RYR3: variants seen among roughly 807,000 people sequenced by gnomAD.
RYR3 encodes the protein ryanodine receptor 3, also known as brain ryanodine receptor-calcium release channel.
Under a neutral mutation model 584.3 loss-of-function variants are expected in RYR3, and 207 were observed. The observed-to-expected ratio is 0.35, with a 90% CI of 0.32 to 0.40. RYR3 has a LOEUF of 0.40. RYR3 is among the 10% of genes least tolerant of loss of function. RYR3 has a pLI of 1.00. For synonymous variants in RYR3, 2,416 were observed against 2,248.5 expected (o/e 1.07, Z -2.11); for missense variants, 5,616 against 6,089.2 (o/e 0.92, Z 2.59).
chr15:33,612,397 G>A (rs554586612), intron 18 of RYR3, among the ~76,000 whole-genome samples: 1 of 152,218 alleles, frequency 6.6e-6, no homozygotes, highest in Non-Finnish European at 1.5e-5. Context: ...TTTCACTCTT[G>A]TTGCCCAGGC....
chr15:33,405,791 C>T (rs1432164592), intron 1 of RYR3, among the ~76,000 whole-genome samples: 2 of 152,184 alleles, frequency 1.3e-5, no homozygotes, highest in Admixed American at 6.5e-5. Flanking sequence ...GTTAATCTAA[C>T]GATTTAGACA....
chr15:33,578,938 G>C (rs1192977612), intron 12 of RYR3, among the ~76,000 whole-genome samples: 1 of 152,172 alleles, frequency 6.6e-6, no homozygotes, highest in African/African-American at 2.4e-5. Flanking sequence ...TCCTCAAGGA[G>C]ATGGGGAAAT....
chr15:33,778,093 C>T (rs1388384758), intron 64 of RYR3, among the ~76,000 whole-genome samples: 1 of 152,044 alleles, frequency 6.6e-6, no homozygotes, highest in East Asian at 1.9e-4. Flanking sequence ...TCACTTAAAC[C>T]TAGGAGGCAG....
chr15:33,471,109 A>C (rs906977492), intron 1 of RYR3, among the ~76,000 whole-genome samples: 2 of 152,188 alleles, frequency 1.3e-5, no homozygotes, highest in African/African-American at 4.8e-5. Flanking sequence ...AAAGCTCCAG[A>C]TGTCTGTCTA....
chr15:33,418,852 A>G (rs952653404), intron 1 of RYR3, among the ~76,000 whole-genome samples: 7 of 152,140 alleles, frequency 4.6e-5, no homozygotes, highest in African/African-American at 1.7e-4. Context: ...AATCAAGGCA[A>G]TAAGCTAGCA....
intron 1 of RYR3, among the ~76,000 whole-genome samples, chr15:33,397,070 A>T (rs547938835): frequency 1.3e-5 from 2 of 152,342 alleles, no homozygotes; most frequent in East Asian, 3.9e-4. Context: ...GATTTTTGTT[A>T]TATATTGTTA....
intron 60 of RYR3, among the ~76,000 whole-genome samples, chr15:33,760,269 AT>A (rs1423471792): frequency 2.6e-5 from 4 of 152,250 alleles, no homozygotes; most frequent in Non-Finnish European, 5.9e-5. Flanking sequence ...ACAGGATCAA[AT>A]TCACAGAGAA....
chr15:33,402,629 C>A (rs979886454), intron 1 of RYR3, among the ~76,000 whole-genome samples: 2 of 152,190 alleles, frequency 1.3e-5, no homozygotes, highest in African/African-American at 2.4e-5. Flanking sequence ...ACATATTAAA[C>A]AGCTTGGCTA....
Position 33,630,121 on chromosome 15 carries a change from T to C in RYR3, c.2783+78T>C, listed in dbSNP as rs138396289. 7.2e-4 allele frequency: 555 copies of C among 765,968 alleles called. 3 individuals are homozygous for C. The African/African-American group carries it at 8.9e-3, about 12-fold the overall frequency. The allele number at this position is 765,968 out of a possible 1,614,324, so 47.4% of individuals were successfully genotyped here. On this transcript the variant is annotated intron_variant, in intron 22 of 103. Transcript: ENST00000634891. Reference sequence around the variant, plus strand: ...GCATTATAACTAAACTGCAAAGATATGTCTCTTGCCTGAAAACGTGGCACA... The same window carrying C: ...GCATTATAACTAAACTGCAAAGATACGTCTCTTGCCTGAAAACGTGGCACA...
At position 33,819,769 on chromosome 15, in the gene RYR3, G is replaced by C. The variant is rs370636001; in HGVS notation, c.10720G>C (p.Asp3574His). The C allele has an allele frequency of 6.5e-7, 1 of 1,538,234 alleles. No individual in the cohort carries two copies. ...ALTERSKLEDDPLYTSYSSMM... is the reference protein window; with the variant it reads ...ALTERSKLEDHPLYTSYSSMM... ...CATTCTTTCCAGCAAATTGGAAGAC[G>C]ACCCTTTGTACACCTCCTATTCCAG... Residue 3574 changes from aspartate (D) to histidine (H), a missense_variant, in exon 77 of 104, where the codon GAC becomes CAC. Asp to His is a moderately conservative substitution (Grantham distance 81). Coordinates refer to ENST00000634891, the MANE Select transcript of RYR3 (RefSeq NM_001036.6).
intron 10 of RYR3, among the ~76,000 whole-genome samples, chr15:33,551,415 G>T (rs2056664152): frequency 6.6e-6 from 1 of 152,158 alleles, no homozygotes; most frequent in South Asian, 2.1e-4. Context: ...TTTCTGTGGG[G>T]CATCTCTGCT....
At chr15:33,520,111 G>A (rs932911071) in intron 3 of RYR3, among the ~76,000 whole-genome samples, 2 of 152,118 alleles carry the variant, frequency 1.3e-5, no homozygotes, top group African/African-American at 4.8e-5. Flanking sequence ...AGGGGGAGGA[G>A]GATCAGATAA....
At chr15:33,586,545 TAAAC>T (rs1305188799) in intron 16 of RYR3, among the ~76,000 whole-genome samples, 2 of 152,194 alleles carry the variant, frequency 1.3e-5, no homozygotes, top group African/African-American at 4.8e-5. Flanking sequence ...GGTTTGTTAT[TAAAC>T]AAAATCAGAT....
intron 1 of RYR3, among the ~76,000 whole-genome samples, chr15:33,469,295 A>G (rs1431399319): frequency 1.3e-5 from 2 of 152,186 alleles, no homozygotes; most frequent in Non-Finnish European, 2.9e-5. Context: ...ACCCAACGCT[A>G]CAGGGAAGAA....
intron 28 of RYR3, 137 bp from the exon 29 acceptor site, chr15:33,646,214 G>C: frequency 1.5e-6 from 1 of 661,170 alleles, no homozygotes; most frequent in Non-Finnish European, 2.6e-6. Flanking sequence ...GAGAATCATA[G>C]TTTGGTTATC....
intron 16 of RYR3, among the ~76,000 whole-genome samples, chr15:33,586,986 G>C (rs2058883194): frequency 6.6e-6 from 1 of 152,000 alleles, no homozygotes. Context: ...GGGAGAAGCA[G>C]GCTTCGTCAC....
intron 1 of RYR3, among the ~76,000 whole-genome samples, chr15:33,350,622 A>G (rs1163840463): frequency 6.6e-6 from 1 of 151,968 alleles, no homozygotes; most frequent in Non-Finnish European, 1.5e-5. Context: ...AAAACCACTC[A>G]ACTACATGGA....
chr15:33,812,123 A>G (rs1319896923), intron 72 of RYR3, among the ~76,000 whole-genome samples: 2 of 152,186 alleles, frequency 1.3e-5, no homozygotes, highest in Admixed American at 6.5e-5. Flanking sequence ...AATACAGAGC[A>G]AGAAACTTCC....
At chr15:33,400,560 T>C (rs1440635954) in intron 1 of RYR3, among the ~76,000 whole-genome samples, 1 of 152,222 alleles carries the variant, frequency 6.6e-6, no homozygotes, top group African/African-American at 2.4e-5. Context: ...CTATCACTGA[T>C]TTGAAATTTC....
Sources: allele counts gnomAD v4.1 joint callset (sites outside exome capture counted in the v4.1 genomes callset), GRCh38; gene constraint gnomAD v4.1.1; transcripts MANE v1.5; gene names NCBI Gene and HGNC (gene_info 2026-07-23, HGNC 2026-07-21).